The following ASH2L variants were observed in gnomAD, a reference collection of about 807,000 sequenced individuals.
ASH2L encodes the protein ASH2 like, histone lysine methyltransferase complex subunit.
In ASH2L, 30 loss-of-function variants were observed where a neutral mutation model predicts 81.1. The observed-to-expected ratio is 0.37, with a 90% CI of 0.28 to 0.50. The LOEUF (loss-of-function observed/expected upper bound fraction) is 0.50. ASH2L is among the 20% of genes least tolerant of loss of function. The pLI, the probability that ASH2L is intolerant of heterozygous loss-of-function variation, is 0.95. For missense variants in ASH2L, 559 were observed against 792.1 expected, an observed-to-expected ratio of 0.71 and a Z score of 3.53; for synonymous variants, 273 against 279.9, an observed-to-expected ratio of 0.98 and a Z score of 0.24.
rs182309888 is a variant in ASH2L, at chr8:38,125,779, G to C, written c.1166-2512G>C. On this transcript the variant is annotated intron_variant, in intron 10 of 15. Transcript: ENST00000343823. ...TGTCATTTAGCAGTGGAGAAACCTG[G>C]CAGGCATCATCTTAATCAAGTGACC... Among the ~76,000 whole-genome samples the C allele has an allele frequency of 2.6e-3, 402 of 152,228 alleles. 2 individuals carry two copies. The highest frequency in any genetic ancestry group is 0.01 in the Middle Eastern group (3 of 294).
chr8:38,137,188 G>A (rs1469901029), intron 14 of ASH2L, among the ~76,000 whole-genome samples: 2 of 151,838 alleles, frequency 1.3e-5, no homozygotes, highest in African/African-American at 2.4e-5. Context: ...AGATCACGAG[G>A]TCAAGAGATC....
At chr8:38,125,601 T>C in intron 10 of ASH2L, among the ~76,000 whole-genome samples, 1 of 61,942 alleles carries the variant, frequency 1.6e-5, no homozygotes, top group Non-Finnish European at 3.9e-5. Flanking sequence ...AGAGTGAAAC[T>C]CCATCTCAAA....
chr8:38,116,783 C>T lies in ASH2L; in HGVS notation c.853+58C>T. 4 of 1,411,738 alleles carry T rather than the reference C, an allele frequency of 2.8e-6. No homozygotes were observed. In the South Asian group the frequency reaches 4.8e-5, roughly 17 times the overall value. 87.5% of individuals were successfully genotyped at this position (1,411,738 alleles called of 1,614,324 possible). Reference sequence around the variant, plus strand: ...TTGGAAGCTATTGAATCCAGTTGTGCCTAGAACTGGCCATTCTTTGGGTTG... The same window carrying T: ...TTGGAAGCTATTGAATCCAGTTGTGTCTAGAACTGGCCATTCTTTGGGTTG... On this transcript the variant is annotated intron_variant, in intron 8 of 15. Transcript: ENST00000343823.
In ASH2L at chr8:38,114,970, A is replaced by T. The variant is rs1265005069; in HGVS notation, c.747A>T (p.Glu249Asp). Residue 249 changes from glutamate (E) to aspartate (D), a missense_variant, in exon 7 of 16, where the codon GAA becomes GAT. By Grantham distance (45) the Glu-to-Asp change is conservative. Transcript: ENST00000343823. ...HPDPGSKDPE[E>D]DYPKFGLLDQ... ...ATCCAGGCAGTAAAGATCCAGAAGAAGATTACCCCAAATTTGGACTTTTGG... is the reference window on the plus strand; with the variant it reads ...ATCCAGGCAGTAAAGATCCAGAAGATGATTACCCCAAATTTGGACTTTTGG... 9 of 1,612,634 alleles carry T rather than the reference A, an allele frequency of 5.6e-6. No homozygotes were observed. The Middle Eastern group carries it at 6.6e-4, about 118-fold the overall frequency.
At chr8:38,129,438 C>G (rs1801971607) in intron 12 of ASH2L, among the ~76,000 whole-genome samples, 1 of 152,120 alleles carries the variant, frequency 6.6e-6, no homozygotes, top group Admixed American at 6.6e-5. Flanking sequence ...CAAGACCAGC[C>G]TGGGTAACAT....
At chr8:38,113,800 C>T (rs1810783894) in intron 5 of ASH2L, among the ~76,000 whole-genome samples, 1 of 152,154 alleles carries the variant, frequency 6.6e-6, no homozygotes. Context: ...ATTTTAGTCA[C>T]AAGAAGTTTG....
chr8:38,136,958 G>A (rs560006545), intron 14 of ASH2L, among the ~76,000 whole-genome samples: 2 of 151,582 alleles, frequency 1.3e-5, no homozygotes, highest in East Asian at 3.9e-4. Context: ...CAGATGTGAT[G>A]GCCACGCGCC....
chr8:38,135,486 T>C (rs182227674), intron 13 of ASH2L, among the ~76,000 whole-genome samples, 182 bp from the exon 14 acceptor site: 6 of 152,228 alleles, frequency 3.9e-5, no homozygotes, highest in African/African-American at 1.2e-4. Context: ...CATATTAACA[T>C]GCTTTGAAAA....
intron 12 of ASH2L, among the ~76,000 whole-genome samples, chr8:38,129,900 G>T (rs1801988140): frequency 1.3e-5 from 2 of 152,118 alleles, no homozygotes; most frequent in Non-Finnish European, 2.9e-5. Context: ...CAGGTTTGGG[G>T]CTACTATGAG....
rs760478447 is a variant in ASH2L, at chr8:38,138,798, G to C, written c.1720-18G>C. 9.3e-6 allele frequency: 15 copies of C among 1,610,666 alleles called. No homozygotes were observed. The highest frequency in any genetic ancestry group is 1.3e-5 in the Non-Finnish European group (15 of 1,178,818). On this transcript the variant is annotated intron_variant, in intron 14 of 15. Coordinates refer to ENST00000343823, the MANE Select transcript of ASH2L (RefSeq NM_004674.5). ...TTGTCCATTTTTTCCATGTCTGCTT[G>C]AATTGAATTCGCTCCAGGTTTCCAT...
At chr8:38,114,014 A>T (rs1157666120) in intron 5 of ASH2L, among the ~76,000 whole-genome samples, 178 bp from the exon 6 acceptor site, 1 of 152,232 alleles carries the variant, frequency 6.6e-6, no homozygotes, top group Non-Finnish European at 1.5e-5. Context: ...TGTGTATGCA[A>T]TGAAATATTC....
At chr8:38,106,517 T>A (rs1810441444) in intron 2 of ASH2L, 73 bp downstream of exon 2, 1 of 1,375,384 alleles carries the variant, frequency 7.3e-7, no homozygotes, top group Admixed American at 2.1e-5. Context: ...TTTTTTTTTT[T>A]TTTTTGTTGC....
chr8:38,124,917 T>C (rs752585848), intron 10 of ASH2L, among the ~76,000 whole-genome samples: 2 of 152,158 alleles, frequency 1.3e-5, no homozygotes, highest in Non-Finnish European at 2.9e-5. Context: ...ATCCCAGGCA[T>C]GTCCAGTCAT....
chr8:38,135,603 A>G (rs1283895413), intron 13 of ASH2L, 65 bp from the exon 14 acceptor site: 5 of 1,211,280 alleles, frequency 4.1e-6, no homozygotes, highest in Non-Finnish European at 6.0e-6. Flanking sequence ...ATATTTTCCT[A>G]GAGAGTTCTT....
At chr8:38,132,764 A>C (rs1290652142) in intron 12 of ASH2L, among the ~76,000 whole-genome samples, 2 of 150,356 alleles carry the variant, frequency 1.3e-5, no homozygotes, top group African/African-American at 4.9e-5. Flanking sequence ...ACACCACTGC[A>C]TTCCAGCCTG....
chr8:38,106,040 C>A, intron 1 of ASH2L: 3 of 1,527,610 alleles, frequency 2.0e-6, no homozygotes, highest in Non-Finnish European at 2.6e-6. Flanking sequence ...GAAAAGAAAC[C>A]ACTTTGCAGT....
intron 1 of ASH2L, chr8:38,106,072 G>C (rs1347975279): frequency 6.6e-7 from 1 of 1,524,250 alleles, no homozygotes; most frequent in East Asian, 2.5e-5. Flanking sequence ...AGAAGTAACG[G>C]TCACTCTGAA....
intron 10 of ASH2L, among the ~76,000 whole-genome samples, chr8:38,122,636 A>G (rs1394603156): frequency 1.3e-5 from 2 of 152,196 alleles, no homozygotes; most frequent in Non-Finnish European, 2.9e-5. Flanking sequence ...ATAACAATTT[A>G]TATTGATACC....
intron 14 of ASH2L, 106 bp from the exon 15 acceptor site, chr8:38,138,710 C>T (rs1013030058): frequency 1.7e-5 from 15 of 889,472 alleles, no homozygotes; most frequent in East Asian, 2.4e-5. Context: ...ATTTATCCCC[C>T]GAGTATTGTA....
Sources: gnomAD v4.1 joint callset for allele counts (sites outside exome capture counted in the v4.1 genomes callset) on GRCh38, gnomAD v4.1.1 for gene constraint, MANE v1.5 for transcripts, NCBI Gene and HGNC (gene_info 2026-07-23, HGNC 2026-07-21) for gene names.